TTBK2: variants seen among roughly 807,000 people sequenced by gnomAD.
TTBK2 encodes the protein tau tubulin kinase 2.
In TTBK2, 28 loss-of-function variants were observed where a neutral mutation model predicts 110.8. That is an observed-to-expected ratio of 0.25 (90% confidence interval 0.19 to 0.35). TTBK2 has a LOEUF of 0.35. Ranked by LOEUF, TTBK2 falls within the 10% of genes least tolerant of loss-of-function variation. The pLI is 1.00. For synonymous variants in TTBK2, 532 were observed against 527.3 expected, an observed-to-expected ratio of 1.01 and a Z score of -0.12; for missense variants, 1,369 against 1,500.3, an observed-to-expected ratio of 0.91 and a Z score of 1.45.
At chr15:42,785,849 C>T (rs1890390797) in intron 10 of TTBK2, among the ~76,000 whole-genome samples, 1 of 151,850 alleles carries the variant, frequency 6.6e-6, no homozygotes, top group Non-Finnish European at 1.5e-5. Context: ...AATTAGTCTT[C>T]AGTACATTAT....
intron 13 of TTBK2, among the ~76,000 whole-genome samples, chr15:42,757,055 C>T (rs940120039): frequency 2.0e-5 from 3 of 151,976 alleles, no homozygotes; most frequent in African/African-American, 7.3e-5. Flanking sequence ...TTTTTACAAA[C>T]CCCATTTCAT....
At chr15:42,867,020 G>A (rs1026201189) in intron 3 of TTBK2, among the ~76,000 whole-genome samples, 3 of 152,078 alleles carry the variant, frequency 2.0e-5, no homozygotes, top group South Asian at 2.1e-4. Context: ...CGAGGCGGGC[G>A]GATCACGAGG....
chr15:42,845,380 T>A (rs984728588), intron 3 of TTBK2, among the ~76,000 whole-genome samples: 1 of 151,796 alleles, frequency 6.6e-6, no homozygotes, highest in Non-Finnish European at 1.5e-5. Context: ...AAAAATGGGG[T>A]ACCTGCCAGG....
intron 11 of TTBK2, among the ~76,000 whole-genome samples, chr15:42,778,208 G>A (rs964873913): frequency 2.1e-5 from 3 of 142,872 alleles, no homozygotes; most frequent in Non-Finnish European, 4.5e-5. Flanking sequence ...TTATAACAAA[G>A]ATCAACAAAG....
At position 42,820,196 on chromosome 15, in the gene TTBK2, C is replaced by G. The variant is rs114170021; in HGVS notation, c.538-3099G>C. 8.9e-3 allele frequency among the ~76,000 whole-genome samples: 1,352 copies of G among 152,250 alleles called. 16 individuals carry two copies. Among genetic ancestry groups the G allele is most frequent in the African/African-American group, 0.031 (1,284 of 41,554 alleles). On this transcript the variant is annotated intron_variant, in intron 6 of 14. Transcript: ENST00000267890. ...ATAAGAAAAAGAAATAATGTCAGAT[C>G]AAGGAAATTCAATGACCTTATTTAA...
At chr15:42,765,305 A>G (rs1022624075) in intron 13 of TTBK2, among the ~76,000 whole-genome samples, 14 of 152,204 alleles carry the variant, frequency 9.2e-5, no homozygotes, top group African/African-American at 2.7e-4. Flanking sequence ...AAGGTCGCTA[A>G]TAACAAACTT....
chr15:42,854,587 G>T (rs1475298043), intron 3 of TTBK2, among the ~76,000 whole-genome samples: 1 of 151,204 alleles, frequency 6.6e-6, no homozygotes, highest in Non-Finnish European at 1.5e-5. Context: ...AGGACTTACT[G>T]TAATAGGAAT....
In TTBK2 at chr15:42,884,348, C is replaced by T. The variant is rs547383417; in HGVS notation, c.-67-5664G>A. Among the ~76,000 whole-genome samples, 5 of 152,188 alleles carry T rather than the reference C, an allele frequency of 3.3e-5. No homozygotes were observed. The East Asian group carries it at 9.7e-4, about 29-fold the overall frequency. On this transcript the variant is annotated intron_variant, in intron 1 of 14. Coordinates refer to ENST00000267890, the MANE Select transcript of TTBK2 (RefSeq NM_173500.4). Reference sequence around the variant, plus strand: ...AGAAATATAAATATTTGGTCTTTGTCCCTGGTTCTTGTTCAGCGCTCATAA... The same window carrying T: ...AGAAATATAAATATTTGGTCTTTGTTCCTGGTTCTTGTTCAGCGCTCATAA...
chr15:42,913,993 T>C (rs1307552151), intron 1 of TTBK2, among the ~76,000 whole-genome samples: 1 of 151,958 alleles, frequency 6.6e-6, no homozygotes, highest in Non-Finnish European at 1.5e-5. Context: ...TTTTTTTTTT[T>C]TGAGATGGAG....
chr15:42,906,182 C>G (rs2030386722), intron 1 of TTBK2, among the ~76,000 whole-genome samples: 1 of 151,488 alleles, frequency 6.6e-6, no homozygotes, highest in Admixed American at 6.6e-5. Context: ...GAGCGAAACT[C>G]CATCTCAAAA....
chr15:42,832,738 C>G (rs1015092564), intron 4 of TTBK2, among the ~76,000 whole-genome samples: 4 of 152,130 alleles, frequency 2.6e-5, no homozygotes, highest in African/African-American at 9.7e-5. Flanking sequence ...CTCCGTCAGG[C>G]CCAGGACGTG....
intron 9 of TTBK2, among the ~76,000 whole-genome samples, chr15:42,805,463 C>CA (rs1284760024): frequency 6.6e-6 from 1 of 152,152 alleles, no homozygotes; most frequent in African/African-American, 2.4e-5. Flanking sequence ...TGTTATGAAA[C>CA]AGAGGCACGT....
chr15:42,805,430 TTTCAATTTCACAAGACAAGCAG>T (rs1399556409), intron 9 of TTBK2, among the ~76,000 whole-genome samples: 1 of 152,146 alleles, frequency 6.6e-6, no homozygotes, highest in African/African-American at 2.4e-5. Context: ...TGAGTTGGGC[TTTCAATTTCACAAGACAAGCAG>T]TGTTATGAAA....
In TTBK2 at chr15:42,780,189, CTTTTTTTTTTT is replaced by C. The variant is rs892670301; in HGVS notation, c.1198-2958_1198-2948del. 3.0e-5 allele frequency among the ~76,000 whole-genome samples: 3 copies of C among 100,794 alleles called. No individual in the cohort carries two copies. The East Asian group carries it at 8.5e-4, about 29-fold the overall frequency. 66.1% of individuals were successfully genotyped at this position (100,794 alleles called of 152,430 possible). ...GGTACGTGCCAACATGCCCGGCTAA[CTTTTTTTTTTT>C]TTTTTTTTTTTTGGTAGAGATAGGG... is the stretch of plus-strand genomic sequence containing the variant. On this transcript the variant is annotated intron_variant, in intron 11 of 14. Coordinates refer to ENST00000267890, the MANE Select transcript of TTBK2 (RefSeq NM_173500.4).
intron 11 of TTBK2, among the ~76,000 whole-genome samples, chr15:42,782,066 T>C (rs554889540): frequency 1.3e-5 from 2 of 152,200 alleles, no homozygotes; most frequent in African/African-American, 4.8e-5. Context: ...CACTTTTTCA[T>C]GTATATATGT....
At chr15:42,891,908 C>G (rs534459909) in intron 1 of TTBK2, among the ~76,000 whole-genome samples, 2 of 152,046 alleles carry the variant, frequency 1.3e-5, no homozygotes, top group East Asian at 1.9e-4. Context: ...ATTAACTTGA[C>G]GCAATTAGTG....
chr15:42,834,534 A>G (rs1471159872), intron 4 of TTBK2, among the ~76,000 whole-genome samples: 1 of 152,186 alleles, frequency 6.6e-6, no homozygotes. Flanking sequence ...TAAGGATGCT[A>G]TCAAAGACTG....
intron 1 of TTBK2, among the ~76,000 whole-genome samples, chr15:42,883,273 C>A (rs963458971): frequency 4.0e-5 from 6 of 150,124 alleles, no homozygotes; most frequent in African/African-American, 1.5e-4. Flanking sequence ...CCCAGCTACT[C>A]GGGAGGCTGA....
At chr15:42,769,985 A>T (rs1486553638) in intron 13 of TTBK2, among the ~76,000 whole-genome samples, 2 of 152,074 alleles carry the variant, frequency 1.3e-5, no homozygotes, top group African/African-American at 2.4e-5. Flanking sequence ...CATCATTCTC[A>T]GCAAACTATC....
Sources: allele counts gnomAD v4.1 joint callset (sites outside exome capture counted in the v4.1 genomes callset), GRCh38; gene constraint gnomAD v4.1.1; transcripts MANE v1.5; gene names NCBI Gene and HGNC (gene_info 2026-07-23, HGNC 2026-07-21).